The following TFPT variants were observed in gnomAD, a reference collection of about 807,000 sequenced individuals.
The protein encoded by TFPT is TCF3 fusion partner, also known as INO80 complex subunit F.
TFPT carries 27 observed loss-of-function variants against 28.8 expected under a neutral mutation model. The ratio of observed to expected loss-of-function variants is 0.94; its 90% CI spans 0.69 to 1.29. The LOEUF (loss-of-function observed/expected upper bound fraction) is 1.29, where lower values mean the gene tolerates loss of function less well. TFPT is among the 50% of genes most tolerant of loss of function. TFPT has a pLI of 0.00. For missense variants in TFPT, 330 were observed against 338.0 expected (o/e 0.98, Z 0.19); for synonymous variants, 152 against 142.8 (o/e 1.06, Z -0.46).
chr19:54,111,497 TA>T (rs11304668), intron 2 of TFPT, among the ~76,000 whole-genome samples: 10,651 of 111,050 alleles, frequency 0.096, 784 homozygotes, highest in African/African-American at 0.23. Flanking sequence ...TCATCTCTAC[TA>T]AAAAAAAAAA....
chr19:54,114,106 G>A (rs1297172545), intron 2 of TFPT, among the ~76,000 whole-genome samples: 5 of 152,170 alleles, frequency 3.3e-5, no homozygotes, highest in Admixed American at 2.6e-4. Context: ...CTCAAGAGGC[G>A]GAATGAATGA....
At chr19:54,109,431 C>T (rs1375606262) in intron 3 of TFPT, among the ~76,000 whole-genome samples, 3 of 152,160 alleles carry the variant, frequency 2.0e-5, no homozygotes, top group Non-Finnish European at 4.4e-5. Flanking sequence ...GCCACTGTGC[C>T]GAGCCTGAGC....
In TFPT at chr19:54,114,602, A is replaced by G. The variant is rs747676603; in HGVS notation, c.122T>C (p.Leu41Pro). The part of the protein sequence containing the change: ...LFGGHILESE[L>P]ETEVEFVSGG... ...TGACACAAACTCCACTTCCGTCTCC[A>G]GCTCGCTCTCCAGGATGTGGCCACC... Residue 41 changes from leucine (L) to proline (P), a missense_variant, in exon 2 of 6, where the codon CTG becomes CCG. By Grantham distance (98) the Leu-to-Pro change is moderately conservative. Coordinates refer to ENST00000391759, the MANE Select transcript of TFPT (RefSeq NM_013342.4). The G allele has an allele frequency of 1.9e-6, 3 of 1,613,878 alleles. No individual in the cohort carries two copies. Among genetic ancestry groups the G allele is most frequent in the Non-Finnish European group, 2.5e-6 (3 of 1,179,998 alleles).
chr19:54,109,792 A>AGGCC (rs2073389236), intron 3 of TFPT, among the ~76,000 whole-genome samples: 1 of 28,798 alleles, frequency 3.5e-5, no homozygotes, highest in African/African-American at 1.4e-4. Flanking sequence ...CAGGGGGAGG[A>AGGCC]TGCCCTCCAC....
intron 2 of TFPT, among the ~76,000 whole-genome samples, chr19:54,111,449 C>T (rs1191824694): frequency 1.4e-5 from 2 of 145,440 alleles, no homozygotes; most frequent in Admixed American, 7.1e-5. Context: ...AGTTTGAGGT[C>T]GGGAGTTGCA....
Position 54,110,092 on chromosome 19 carries a change from A to G in TFPT, c.312T>C (p.His104=). 1 of 1,614,138 alleles carries G rather than the reference A, an allele frequency of 6.2e-7. No individual in the cohort carries two copies. The highest frequency in any genetic ancestry group is 8.5e-7 in the Non-Finnish European group (1 of 1,180,026). ...GCCTCCGAGTTATCCTCTGCACCTG[A>G]TGGAGCCTGTTCAGGACCCGCTCGT... ...QVNERVLNRL[H]QVQRITRRLQ... Residue 104 remains histidine (H), a synonymous_variant, in exon 3 of 6, where the codon CAT becomes CAC. Coordinates refer to ENST00000391759, the MANE Select transcript of TFPT (RefSeq NM_013342.4).
At chr19:54,113,714 C>A (rs865959920) in intron 2 of TFPT, among the ~76,000 whole-genome samples, 2 of 152,262 alleles carry the variant, frequency 1.3e-5, no homozygotes, top group South Asian at 4.1e-4. Flanking sequence ...GATTTTGAGA[C>A]GGAGTCTCAC....
Position 54,115,229 on chromosome 19 carries a change from A to C in TFPT, c.23+18T>G, listed in dbSNP as rs750083988. On this transcript the variant is annotated intron_variant, in intron 1 of 5. Transcript: ENST00000391759. The stretch of plus-strand genomic sequence containing the variant: ...TTTTCTGGGATTCGCACTTTTTCAC[A>C]AGGGCTCAGCCACATACCCTTCTCT... 6.2e-6 allele frequency: 10 copies of C among 1,613,918 alleles called. No homozygotes were observed. In the East Asian group the frequency reaches 2.2e-4, roughly 36 times the overall value.
At chr19:54,109,979 G>T in intron 3 of TFPT, 72 bp downstream of exon 3, 1 of 1,488,020 alleles carries the variant, frequency 6.7e-7, no homozygotes, top group Non-Finnish European at 9.4e-7. Flanking sequence ...TGTGGAAGTG[G>T]GAGAGACAGA....
At chr19:54,112,307 C>T (rs1416652602) in intron 2 of TFPT, among the ~76,000 whole-genome samples, 2 of 151,482 alleles carry the variant, frequency 1.3e-5, no homozygotes. Flanking sequence ...AGCTTGGGTG[C>T]ATTACTTAAC....
rs587699175 is a variant in TFPT at position 54,113,778 on chromosome 19, G to A, written c.282+664C>T. ...ATGATCTTGGCTCACTGCAACCTCC[G>A]CCTTCCGGGTTCAAGCAATTCTCAT... On this transcript the variant is annotated intron_variant, in intron 2 of 5. Transcript: ENST00000391759. Among the ~76,000 whole-genome samples the A allele has an allele frequency of 1.2e-4, 19 of 152,282 alleles. No homozygotes were observed. In the East Asian group the frequency reaches 1.5e-3, roughly 12 times the overall value.
At chr19:54,108,567 G>T in intron 3 of TFPT, 172 bp from the exon 4 acceptor site, 1 of 1,595,612 alleles carries the variant, frequency 6.3e-7, no homozygotes. Context: ...GACCAGCCTT[G>T]AGACCTCGAG....
At position 54,115,506 on chromosome 19, in the gene TFPT, C is replaced by T; in HGVS notation, c.-237G>A. 1.7e-6 allele frequency: 1 copy of T among 601,816 alleles called. No homozygotes were observed. The highest frequency in any genetic ancestry group is 2.9e-6 in the Non-Finnish European group (1 of 340,160). The allele number at this position is 601,816 out of a possible 1,614,324, so 37.3% of individuals were successfully genotyped here. ...TTTCTTGTCTAACGCCGCAACCAGT[C>T]CTCTGAGTTGCCAACGTCTTTCTTC... On this transcript the variant is annotated 5_prime_UTR_variant, in exon 1 of 6. Coordinates refer to ENST00000391759, the MANE Select transcript of TFPT (RefSeq NM_013342.4).
At chr19:54,108,737 AT>A in intron 3 of TFPT, 1 of 841,032 alleles carries the variant, frequency 1.2e-6, no homozygotes, top group Non-Finnish European at 1.8e-6. Context: ...GTGAGTTATA[AT>A]TTTTATTGAT....
rs2146375453 is a variant in TFPT, at chr19:54,114,672, ACTC to A, written c.49_51del (p.Glu17del). 5 of 1,613,512 alleles carry A rather than the reference ACTC, an allele frequency of 3.1e-6. No homozygotes were observed. Among genetic ancestry groups the A allele is most frequent in the Admixed American group, 1.7e-5 (1 of 59,966 alleles). ...AACTCTGAGCCTGGCGGCGCTGAGA[ACTC>A]CTCAAAGCCCACGGCTGCCATGGTC... On this transcript the variant is annotated inframe_deletion, in exon 2 of 6. Coordinates refer to ENST00000391759, the MANE Select transcript of TFPT (RefSeq NM_013342.4).
chr19:54,114,653 G>C lies in TFPT; in HGVS notation c.71C>G (p.Ser24Ter). ...GFEEFSAPPGSELALPPLFGG... is the reference protein window; with the variant it reads ...GFEEFSAPPG Reference sequence around the variant, plus strand: ...AAATAGGGGAGGCAACGCCAACTCTGAGCCTGGCGGCGCTGAGAACTCCTC... The same window carrying C: ...AAATAGGGGAGGCAACGCCAACTCTCAGCCTGGCGGCGCTGAGAACTCCTC... The change falls in exon 2 of 6, where the codon TCA becomes TGA. Residue 24 changes from serine (S) to a stop codon, truncating the protein, a stop_gained. Transcript: ENST00000391759. LOFTEE classifies it high-confidence loss of function. 6.2e-7 allele frequency: 1 copy of C among 1,613,966 alleles called. No individual in the cohort carries two copies. The highest frequency in any genetic ancestry group is 8.5e-7 in the Non-Finnish European group (1 of 1,180,030).
In TFPT at chr19:54,115,333, C is replaced by A; in HGVS notation, c.-64G>T. The A allele has an allele frequency of 2.5e-6, 4 of 1,612,208 alleles. No homozygotes were observed. Among genetic ancestry groups the A allele is most frequent in the South Asian group, 2.2e-5 (2 of 91,070 alleles). The stretch of plus-strand genomic sequence containing the variant: ...GACCTCTTCAATCTGTAGGTTAAGC[C>A]GTTCGCAAAACTACTTGTCCCATCA... On this transcript the variant is annotated 5_prime_UTR_variant, in exon 1 of 6. Coordinates refer to ENST00000391759, the MANE Select transcript of TFPT (RefSeq NM_013342.4).
In TFPT at chr19:54,114,501, G is replaced by A. The variant is rs2073556231; in HGVS notation, c.223C>T (p.Arg75Trp). ...EAARGRRRRQ[R>W]ELNRRKYQAL... ...TGGTACTTTCTGCGATTTAATTCCC[G>A]CTGGCGCCGCCGCCGACCCCGGGCT... The change falls in exon 2 of 6, where the codon CGG becomes TGG. Residue 75 changes from arginine (R) to tryptophan (W), a missense_variant. By Grantham distance (101) the Arg-to-Trp change is moderately radical. Coordinates refer to ENST00000391759, the MANE Select transcript of TFPT (RefSeq NM_013342.4). The A allele has an allele frequency of 1.2e-6, 2 of 1,613,638 alleles. No individual in the cohort carries two copies. Among genetic ancestry groups the A allele is most frequent in the South Asian group, 1.1e-5 (1 of 91,066 alleles).
intron 3 of TFPT, chr19:54,108,678 G>A: frequency 7.9e-7 from 1 of 1,268,860 alleles, no homozygotes; most frequent in South Asian, 1.6e-5. Context: ...AGTGACACCA[G>A]ACGATTTCTG....
Sources: allele counts gnomAD v4.1 joint callset (sites outside exome capture counted in the v4.1 genomes callset), GRCh38; gene constraint gnomAD v4.1.1; transcripts MANE v1.5; gene names NCBI Gene and HGNC (gene_info 2026-07-23, HGNC 2026-07-21).